The following ZFHX3 variants were observed in gnomAD, a reference collection of about 807,000 sequenced individuals.
ZFHX3 encodes the protein zinc finger homeobox protein 3.
A neutral mutation model predicts 279.1 loss-of-function variants in ZFHX3; 42 were observed. The ratio of observed to expected loss-of-function variants is 0.15; its 90% CI spans 0.12 to 0.19. The LOEUF (loss-of-function observed/expected upper bound fraction) is 0.19. ZFHX3 is among the 10% of genes least tolerant of loss of function. ZFHX3 has a pLI of 1.00. For missense variants in ZFHX3, 4,981 were observed against 4,754.0 expected (o/e 1.05, Z -1.40); for synonymous variants, 2,293 against 1,957.8 (o/e 1.17, Z -4.52).
intron 1 of ZFHX3, among the ~76,000 whole-genome samples, chr16:73,829,557 T>C (rs1164712726): frequency 2.0e-4 from 13 of 64,060 alleles, no homozygotes; most frequent in African/African-American, 1.1e-3. Context: ...TGGTCTTTGA[T>C]GATGGTGATG....
intron 1 of ZFHX3, among the ~76,000 whole-genome samples, chr16:73,738,446 G>A (rs2053626830): frequency 1.3e-5 from 2 of 152,190 alleles, no homozygotes; most frequent in Admixed American, 6.5e-5. Context: ...CACATGCACT[G>A]TGCACATTAA....
intron 7 of ZFHX3, among the ~76,000 whole-genome samples, chr16:73,109,000 G>A (rs1222254038): frequency 4.5e-5 from 4 of 88,668 alleles, no homozygotes; most frequent in Admixed American, 2.4e-4. Context: ...GCACTGGTTG[G>A]GGATTCTGGC....
intron 9 of ZFHX3, chr16:72,789,298 C>T (rs1360229484): frequency 6.3e-6 from 1 of 157,778 alleles, no homozygotes; most frequent in Middle Eastern, 3.0e-3. Flanking sequence ...CCAACACCTT[C>T]CTGCCCAATG....
At chr16:72,890,193 G>C (rs1397548443) in intron 3 of ZFHX3, among the ~76,000 whole-genome samples, 2 of 152,228 alleles carry the variant, frequency 1.3e-5, no homozygotes, top group East Asian at 3.9e-4. Context: ...CCTTGTGGGA[G>C]GTGATTAGAA....
chr16:73,486,558 C>T (rs1202247253), intron 2 of ZFHX3, among the ~76,000 whole-genome samples: 1 of 152,202 alleles, frequency 6.6e-6, no homozygotes, highest in Non-Finnish European at 1.5e-5. Flanking sequence ...GGAATTCTGC[C>T]TTCGAGGAAT....
chr16:73,509,528 T>C, intron 2 of ZFHX3, among the ~76,000 whole-genome samples: 1 of 143,788 alleles, frequency 7.0e-6, no homozygotes, highest in Non-Finnish European at 1.5e-5. Context: ...CTCCTTTTTT[T>C]TTTTTTTTTT....
At chr16:73,482,427 C>T (rs1046191539) in intron 2 of ZFHX3, among the ~76,000 whole-genome samples, 1 of 152,042 alleles carries the variant, frequency 6.6e-6, no homozygotes, top group East Asian at 1.9e-4. Context: ...CTTCACATCC[C>T]TTCTTTTGCA....
chr16:73,717,878 C>G (rs1349819027), intron 1 of ZFHX3, among the ~76,000 whole-genome samples: 1 of 152,208 alleles, frequency 6.6e-6, no homozygotes, highest in African/African-American at 2.4e-5. Flanking sequence ...ACTTTGCATG[C>G]AGCCCTCCAG....
intron 7 of ZFHX3, among the ~76,000 whole-genome samples, chr16:73,108,631 C>T (rs1019133462): frequency 2.0e-5 from 3 of 152,276 alleles, no homozygotes; most frequent in Non-Finnish European, 4.4e-5. Context: ...TCCTGGAGCA[C>T]ACCCACCAGT....
intron 8 of ZFHX3, among the ~76,000 whole-genome samples, chr16:73,085,296 T>C (rs914163518): frequency 2.0e-5 from 3 of 152,180 alleles, no homozygotes; most frequent in Non-Finnish European, 2.9e-5. Context: ...AGTTTTGCTC[T>C]TGTTGCCCGG....
intron 3 of ZFHX3, among the ~76,000 whole-genome samples, chr16:73,447,110 T>A (rs1373138175): frequency 6.8e-6 from 1 of 147,696 alleles, no homozygotes; most frequent in Non-Finnish European, 1.5e-5. Context: ...GAACCCGGGA[T>A]GCGGAGCTTG....
intron 3 of ZFHX3, among the ~76,000 whole-genome samples, chr16:73,331,524 T>A (rs1342831758): frequency 6.6e-6 from 1 of 152,186 alleles, no homozygotes; most frequent in Non-Finnish European, 1.5e-5. Flanking sequence ...AACAAAACCA[T>A]GCTATCTGGT....
chr16:73,453,434 T>A (rs2018313482), intron 3 of ZFHX3, among the ~76,000 whole-genome samples: 1 of 152,188 alleles, frequency 6.6e-6, no homozygotes, highest in Non-Finnish European at 1.5e-5. Flanking sequence ...GAATGTTAAC[T>A]GCCTTGTGAG....
At chr16:73,333,038 C>T (rs1382910441) in intron 3 of ZFHX3, among the ~76,000 whole-genome samples, 1 of 152,052 alleles carries the variant, frequency 6.6e-6, no homozygotes, top group African/African-American at 2.4e-5. Flanking sequence ...TGTCTTCCCC[C>T]TTACATTTAC....
chr16:73,024,867 G>A (rs1278894243), intron 1 of ZFHX3, among the ~76,000 whole-genome samples: 2 of 152,168 alleles, frequency 1.3e-5, no homozygotes, highest in African/African-American at 2.4e-5. Context: ...ACAGCTCAGC[G>A]GCTACATGTC....
intron 1 of ZFHX3, among the ~76,000 whole-genome samples, chr16:73,888,506 A>T (rs1163943497): frequency 6.6e-6 from 1 of 152,250 alleles, no homozygotes; most frequent in Non-Finnish European, 1.5e-5. Context: ...AAAGGTAAAT[A>T]GGATTTCCCA....
At chr16:73,843,987 C>A (rs897348952) in intron 1 of ZFHX3, among the ~76,000 whole-genome samples, 5 of 152,140 alleles carry the variant, frequency 3.3e-5, no homozygotes, top group Non-Finnish European at 7.4e-5. Context: ...AGAAATCATT[C>A]TTAGCTGCCA....
In ZFHX3 at chr16:73,026,673, C is replaced by CAAAAAAAAAA. The variant is rs10561679; in HGVS notation, c.-50+21069_-50+21078dup. Among the ~76,000 whole-genome samples the CAAAAAAAAAA allele has an allele frequency of 1.0e-3, 82 of 79,574 alleles. 4 individuals carry two copies. The highest frequency in any genetic ancestry group is 7.2e-3 in the South Asian group (16 of 2,208). The allele number at this position is 79,574 out of a possible 152,430, so 52.2% of individuals were successfully genotyped here. On this transcript the variant is annotated intron_variant, in intron 1 of 9. Transcript: ENST00000268489. ...CCCGGCAACAAGAGCAAAACTGCCTCAAAAAAAAAAAAAAAAAAAAAACAC... is the reference window on the plus strand; with the variant it reads ...CCCGGCAACAAGAGCAAAACTGCCTCAAAAAAAAAAAAAAAAAAAAAAAAAAAAAAAACAC...
At chr16:73,772,653 T>C (rs328359) in intron 1 of ZFHX3, among the ~76,000 whole-genome samples, 9,568 of 152,250 alleles carry the variant, frequency 0.063, 463 homozygotes, top group African/African-American at 0.13. Context: ...AATCCCTGCC[T>C]GAGTAAGGAA....
Sources: gnomAD v4.1 joint callset for allele counts (sites outside exome capture counted in the v4.1 genomes callset) on GRCh38, gnomAD v4.1.1 for gene constraint, MANE v1.5 for transcripts, NCBI Gene and HGNC (gene_info 2026-07-23, HGNC 2026-07-21) for gene names.